The following ZSWIM5 variants were observed in gnomAD, a reference collection of about 807,000 sequenced individuals.
The protein encoded by ZSWIM5 is zinc finger SWIM-type containing 5, also known as zinc finger SWIM domain-containing protein 5.
ZSWIM5 carries 55 observed loss-of-function variants against 119.6 expected under a neutral mutation model. The ratio of observed to expected loss-of-function variants is 0.46; its 90% confidence interval spans 0.37 to 0.58. The LOEUF (loss-of-function observed/expected upper bound fraction) is 0.58. Ranked by LOEUF, ZSWIM5 falls within the 20% of genes least tolerant of loss-of-function variation. The pLI is 0.00. For synonymous variants in ZSWIM5, 537 were observed against 606.9 expected, an observed-to-expected ratio of 0.88 and a Z score of 1.69; for missense variants, 1,193 against 1,512.8, an observed-to-expected ratio of 0.79 and a Z score of 3.51.
intron 1 of ZSWIM5, among the ~76,000 whole-genome samples, chr1:45,181,398 GAAAC>G (rs754379262): frequency 8.5e-5 from 13 of 152,138 alleles, no homozygotes; most frequent in Admixed American, 3.3e-4. Context: ...AGAATAAAAA[GAAAC>G]AAACAAAGCC....
chr1:45,181,042 G>C (rs1197630215), intron 1 of ZSWIM5, among the ~76,000 whole-genome samples: 1 of 152,116 alleles, frequency 6.6e-6, no homozygotes. Flanking sequence ...CTCCTCCAAA[G>C]GAACACAGCT....
At chr1:45,186,918 AC>A (rs919647042) in intron 1 of ZSWIM5, among the ~76,000 whole-genome samples, 11 of 151,826 alleles carry the variant, frequency 7.2e-5, no homozygotes, top group African/African-American at 2.7e-4. Flanking sequence ...AGCCCAGAAA[AC>A]CCCCAGACCT....
chr1:45,038,983 A>C lies in ZSWIM5; in HGVS notation c.1847T>G (p.Leu616Trp), dbSNP rs1158776121. The stretch of plus-strand genomic sequence containing the variant: ...ATCATTCAGGCGGCAGGCCTCAGTC[A>C]AAGTGAGAAACAGGCAGTCGATGGG... ...LDPIDCLFLTLTEACRLNDDG... is the reference protein window; with the variant it reads ...LDPIDCLFLTWTEACRLNDDG... The change falls in exon 8 of 14, where the codon TTG (leucine) becomes TGG (tryptophan). Residue 616 changes from leucine to tryptophan, a missense_variant. Leu to Trp is a moderately conservative substitution (Grantham distance 61, BLOSUM62 -2). Transcript: ENST00000359600. 7.4e-6 allele frequency: 12 copies of C among 1,614,160 alleles called. No homozygotes were observed. The highest frequency in any genetic ancestry group is 1.0e-5 in the Non-Finnish European group (12 of 1,180,040).
At chr1:45,069,690 G>A in intron 2 of ZSWIM5, among the ~76,000 whole-genome samples, 1 of 151,964 alleles carries the variant, frequency 6.6e-6, no homozygotes, top group East Asian at 1.9e-4. Context: ...TAGATATAGA[G>A]TATATTTTCT....
At chr1:45,058,938 T>G (rs1645138283) in intron 3 of ZSWIM5, among the ~76,000 whole-genome samples, 179 bp from the exon 4 acceptor site, 1 of 152,178 alleles carries the variant, frequency 6.6e-6, no homozygotes, top group South Asian at 2.1e-4. Flanking sequence ...GAAAGCCTGA[T>G]GTTCACAATA....
intron 1 of ZSWIM5, among the ~76,000 whole-genome samples, chr1:45,155,196 A>C (rs1437746568): frequency 6.6e-6 from 1 of 152,120 alleles, no homozygotes; most frequent in East Asian, 1.9e-4. Flanking sequence ...CAAGAAAAAA[A>C]AATCCCATCA....
chr1:45,166,594 CCTT>C (rs1162494539), intron 1 of ZSWIM5, among the ~76,000 whole-genome samples: 2 of 152,102 alleles, frequency 1.3e-5, no homozygotes, highest in South Asian at 2.1e-4. Context: ...CCCAAAATCT[CCTT>C]AAGCTGATAC....
At chr1:45,068,786 G>A (rs1050229288) in intron 2 of ZSWIM5, among the ~76,000 whole-genome samples, 1 of 96,016 alleles carries the variant, frequency 1.0e-5, no homozygotes, top group Non-Finnish European at 2.1e-5. Context: ...TGTTGCTGTT[G>A]TATGTCTTTT....
At chr1:45,137,395 T>G (rs74711134) in intron 1 of ZSWIM5, among the ~76,000 whole-genome samples, 2 of 152,110 alleles carry the variant, frequency 1.3e-5, no homozygotes, top group African/African-American at 4.8e-5. Context: ...GGACCTTCTA[T>G]TTTAGAAGAA....
chr1:45,205,349 T>A (rs1029877702), intron 1 of ZSWIM5, among the ~76,000 whole-genome samples: 1 of 152,212 alleles, frequency 6.6e-6, no homozygotes, highest in Non-Finnish European at 1.5e-5. Flanking sequence ...AGATTGCCTC[T>A]GACAGTCTGT....
rs975376116 is a variant in ZSWIM5 at position 45,206,492 on chromosome 1, C to T, written c.-142G>A. 1.9e-4 allele frequency: 216 copies of T among 1,155,960 alleles called. 1 individual carries two copies. In the African/African-American group the frequency reaches 3.4e-3, roughly 18 times the overall value. 71.6% of individuals were successfully genotyped at this position (1,155,960 alleles called of 1,614,324 possible). The stretch of plus-strand genomic sequence containing the variant: ...GCGAGAGAACCCGCGAGCCAGCCGG[C>T]CCGAGTGGGGAACCGCGGCCGGGCC... On this transcript the variant is annotated 5_prime_UTR_variant, in exon 1 of 14. Coordinates refer to ENST00000359600, the MANE Select transcript of ZSWIM5 (RefSeq NM_020883.2).
intron 1 of ZSWIM5, among the ~76,000 whole-genome samples, chr1:45,145,614 A>C (rs1006375434): frequency 1.3e-5 from 2 of 152,038 alleles, no homozygotes; most frequent in African/African-American, 2.4e-5. Context: ...TTAAAAAAAA[A>C]CCAAAACTAT....
intron 1 of ZSWIM5, among the ~76,000 whole-genome samples, chr1:45,190,926 AATTTT>A (rs1646087651): frequency 1.4e-5 from 1 of 72,200 alleles, no homozygotes; most frequent in African/African-American, 5.7e-5. Flanking sequence ...AAATAGCTGG[AATTTT>A]TTTTTTTTTT....
chr1:45,023,438 C>T (rs7541351), intron 11 of ZSWIM5, among the ~76,000 whole-genome samples: 35,452 of 149,496 alleles, frequency 0.24, 4,513 homozygotes, highest in Admixed American at 0.33. Flanking sequence ...ATGCAATACG[C>T]ATTTAAGTTT....
At chr1:45,104,675 T>G (rs28430778) in intron 1 of ZSWIM5, among the ~76,000 whole-genome samples, 3,140 of 152,276 alleles carry the variant, frequency 0.021, 116 homozygotes, top group African/African-American at 0.072. Context: ...CTACTTGGTT[T>G]GTTTGTATTA....
intron 1 of ZSWIM5, among the ~76,000 whole-genome samples, chr1:45,130,490 T>G (rs1370700669): frequency 6.6e-6 from 1 of 151,690 alleles, no homozygotes; most frequent in East Asian, 1.9e-4. Context: ...TAAAAAGATG[T>G]TCAACATAAC....
Position 45,115,271 on chromosome 1 carries a change from C to T in ZSWIM5, c.596-27034G>A, listed in dbSNP as rs111914129. Among the ~76,000 whole-genome samples the T allele has an allele frequency of 7.6e-3, 1,141 of 149,606 alleles. 15 individuals are homozygous for T. Among genetic ancestry groups the T allele is most frequent in the African/African-American group, 0.027 (1,091 of 40,524 alleles). On this transcript the variant is annotated intron_variant, in intron 1 of 13. Coordinates refer to ENST00000359600, the MANE Select transcript of ZSWIM5 (RefSeq NM_020883.2). The stretch of plus-strand genomic sequence containing the variant: ...GGGCGAGGTGGCTGCCGGGCGGGGG[C>T]GGGGGCTGCCCCCCACCTCCCTCCT...
rs1489863440 is a variant in ZSWIM5, at chr1:45,051,209, C to T, written c.1297G>A (p.Glu433Lys). ...TGCTGCAGCCAGCAGGATTTCTCCTCCAGTTTGCAGTGTGGATTTAAAATT... is the reference window on the plus strand; with the variant it reads ...TGCTGCAGCCAGCAGGATTTCTCCTTCAGTTTGCAGTGTGGATTTAAAATT... The part of the protein sequence containing the change: ...CIILNPHCKL[E>K]EKSCWLQQLQ... Residue 433 changes from glutamate to lysine, a missense_variant, in exon 5 of 14, where the codon GAG becomes AAG. By Grantham distance (56) the Glu-to-Lys change is moderately conservative. Transcript: ENST00000359600. 23 of 1,614,218 alleles carry T rather than the reference C, an allele frequency of 1.4e-5. No homozygotes were observed. Among genetic ancestry groups the T allele is most frequent in the Non-Finnish European group, 1.8e-5 (21 of 1,180,040 alleles).
intron 8 of ZSWIM5, among the ~76,000 whole-genome samples, chr1:45,038,368 T>C (rs1397783030): frequency 6.6e-6 from 1 of 152,180 alleles, no homozygotes; most frequent in Non-Finnish European, 1.5e-5. Context: ...CTTGTTATTC[T>C]TCTTGGACTA....
Sources: allele counts gnomAD v4.1 joint callset (sites outside exome capture counted in the v4.1 genomes callset), GRCh38; gene constraint gnomAD v4.1.1; transcripts MANE v1.5; gene names NCBI Gene and HGNC (gene_info 2026-07-23, HGNC 2026-07-21).